URB1: variants seen among roughly 807,000 people sequenced by gnomAD.
The protein encoded by URB1 is nucleolar pre-ribosomal-associated protein 1.
URB1 carries 197 observed loss-of-function variants against 242.3 expected under a neutral mutation model. The observed-to-expected ratio is 0.81, with a 90% CI of 0.72 to 0.91. The LOEUF is 0.91. Ranked by LOEUF, URB1 falls within the 40% of genes least tolerant of loss-of-function variation. The pLI is 0.00. For missense variants in URB1, 2,721 were observed against 2,860.5 expected (o/e 0.95, Z 1.11); for synonymous variants, 1,153 against 1,201.8 (o/e 0.96, Z 0.84).
intron 24 of URB1, among the ~76,000 whole-genome samples, chr21:32,342,674 C>CTG (rs58726690): frequency 1 from 147,626 of 147,628 alleles, 73,812 homozygotes; most frequent in Middle Eastern, 1. Context: ...ACTTGTGAAC[C>CTG]AGGAAAGCCG....
At position 32,347,733 on chromosome 21, in the gene URB1, G is replaced by A; in HGVS notation, c.3091C>T (p.Leu1031Phe). ...GWFLALEQQA[L>F]PPHTLSPVLV... ...ACAGGGCTGAGCGTGTGCGGCGGGA[G>A]GGCCTGCTGCTCCAGGGCCAGGAAC... The change falls in exon 22 of 39, where the codon CTC becomes TTC. Residue 1031 changes from leucine (L) to phenylalanine (F), a missense_variant. Physicochemically the swap from Leu to Phe is conservative, Grantham distance 22. Transcript: ENST00000382751. The A allele has an allele frequency of 1.3e-6, 2 of 1,550,230 alleles. No individual in the cohort carries two copies. The highest frequency in any genetic ancestry group is 1.2e-5 in the South Asian group (1 of 84,060).
At chr21:32,360,180 A>G (rs1205344140) in intron 13 of URB1, among the ~76,000 whole-genome samples, 17 of 151,996 alleles carry the variant, frequency 1.1e-4, no homozygotes, top group Admixed American at 1.1e-3. Flanking sequence ...CTGACCCCAA[A>G]CAGCTGGAAT....
intron 1 of URB1, among the ~76,000 whole-genome samples, chr21:32,392,025 T>TA (rs1198638702): frequency 2.3e-4 from 34 of 148,328 alleles, no homozygotes; most frequent in East Asian, 3.9e-4. Flanking sequence ...CCCTGTCGTT[T>TA]AAAAAAAAAA....
chr21:32,330,322 T>C (rs1306814228), intron 30 of URB1, among the ~76,000 whole-genome samples: 1 of 151,534 alleles, frequency 6.6e-6, no homozygotes, highest in Non-Finnish European at 1.5e-5. Context: ...CCTTTTCAAA[T>C]TGGGATAGGC....
intron 2 of URB1, among the ~76,000 whole-genome samples, chr21:32,385,012 AAAG>A (rs143568748): frequency 0.17 from 17,983 of 105,758 alleles, 1,333 homozygotes; most frequent in African/African-American, 0.34. Flanking sequence ...AAAAGAAAAG[AAAG>A]AAAGAAAGAA....
At chr21:32,329,549 T>A (rs1371506461) in intron 30 of URB1, among the ~76,000 whole-genome samples, 1 of 152,192 alleles carries the variant, frequency 6.6e-6, no homozygotes, top group East Asian at 1.9e-4. Context: ...GACAAGAGTT[T>A]GCTGTGGAAA....
At chr21:32,381,472 AT>A (rs2033526006) in intron 4 of URB1, among the ~76,000 whole-genome samples, 1 of 151,602 alleles carries the variant, frequency 6.6e-6, no homozygotes, top group Admixed American at 6.6e-5. Context: ...ACTAAATAGC[AT>A]TTAAAAAAAA....
chr21:32,325,703 C>A (rs1008615875), intron 30 of URB1, among the ~76,000 whole-genome samples: 2 of 152,184 alleles, frequency 1.3e-5, no homozygotes, highest in African/African-American at 4.8e-5. Flanking sequence ...ACTGCGGAGA[C>A]CCCAGCATGC....
intron 8 of URB1, among the ~76,000 whole-genome samples, chr21:32,371,253 C>T (rs1301730039): frequency 2.0e-5 from 3 of 152,202 alleles, no homozygotes; most frequent in Non-Finnish European, 2.9e-5. Context: ...TTCCCTTATG[C>T]ACAAACACTT....
chr21:32,314,963 G>A lies in URB1; in HGVS notation c.6771C>T (p.Ile2257=), dbSNP rs1057491104. Residue 2257 remains isoleucine, a synonymous_variant, in exon 39 of 39, where the codon ATC becomes ATT. Transcript: ENST00000382751. ...DDAPSSEEEA[I]VVLCKDAASA... ...TGGCGGCGTCCTTGCAGAGCACCAC[G>A]ATGGCCTCCTCTTCACTGCTCGGGG... The A allele has an allele frequency of 1.4e-5, 21 of 1,551,552 alleles. No individual in the cohort carries two copies. Among genetic ancestry groups the A allele is most frequent in the African/African-American group, 2.7e-5 (2 of 73,068 alleles).
In URB1 at chr21:32,333,330, C is replaced by A; in HGVS notation, c.4947G>T (p.Glu1649Asp). Residue 1649 changes from glutamate (E) to aspartate (D), a missense_variant, in exon 30 of 39, where the codon GAG (glutamate) becomes GAT (aspartate). Transcript: ENST00000382751. ...DPCFLLQLFS[E>D]LTRPEFVVDC... is the part of the protein sequence containing the mutation. ...GACTGCAGTTACCTGGCCTGGTCAG[C>A]TCACTGAAGAGCTGAAGGAGAAAGC... The A allele has an allele frequency of 6.4e-7, 1 of 1,551,890 alleles. No individual in the cohort carries two copies. Among genetic ancestry groups the A allele is most frequent in the Non-Finnish European group, 8.7e-7 (1 of 1,147,026 alleles).
chr21:32,353,262 C>T (rs2033179545), intron 18 of URB1, among the ~76,000 whole-genome samples: 1 of 152,192 alleles, frequency 6.6e-6, no homozygotes, highest in South Asian at 2.1e-4. Context: ...GACCACATGC[C>T]TGGTTAGTCA....
chr21:32,340,597 G>A (rs188253249), intron 25 of URB1, among the ~76,000 whole-genome samples: 4 of 152,270 alleles, frequency 2.6e-5, no homozygotes, highest in East Asian at 3.9e-4. Flanking sequence ...TGGGCAACAT[G>A]AGCAAAACTC....
At chr21:32,376,766 T>C (rs2033463532) in intron 5 of URB1, among the ~76,000 whole-genome samples, 1 of 152,204 alleles carries the variant, frequency 6.6e-6, no homozygotes. Context: ...GCTTCCCAAG[T>C]AGCTGAGACA....
chr21:32,362,210 A>AT (rs112343819), intron 11 of URB1, among the ~76,000 whole-genome samples, 189 bp from the exon 12 acceptor site: 4,972 of 146,174 alleles, frequency 0.034, 254 homozygotes, highest in African/African-American at 0.11. Context: ...CTGCAGTATA[A>AT]TTTTTTTTTT....
At chr21:32,368,744 G>A in intron 8 of URB1, 146 bp from the exon 9 acceptor site, 2 of 687,430 alleles carry the variant, frequency 2.9e-6, no homozygotes, top group South Asian at 4.3e-5. Flanking sequence ...CGTAAAGTGG[G>A]GGTTCCGTGG....
rs1490426755 is a variant in URB1 at position 32,386,368 on chromosome 21, T to C, written c.143-684A>G. Among the ~76,000 whole-genome samples the C allele has an allele frequency of 7.9e-5, 12 of 152,298 alleles. No individual in the cohort carries two copies. In the South Asian group the frequency reaches 8.3e-4, roughly 11 times the overall value. ...ATGTGAGGACACAGCAAGAGGGCAG[T>C]TGTCTGCAAGCCAGGACGTGCCCTT... On this transcript the variant is annotated intron_variant, in intron 1 of 38. Transcript: ENST00000382751.
intron 36 of URB1, 113 bp from the exon 37 acceptor site, chr21:32,318,030 G>A (rs780589958): frequency 1.2e-5 from 17 of 1,390,710 alleles, no homozygotes; most frequent in Non-Finnish European, 1.9e-6. Context: ...AGTCCCTCCA[G>A]GAACCAGGTT....
intron 29 of URB1, among the ~76,000 whole-genome samples, chr21:32,333,866 C>CT (rs1170354478): frequency 6.6e-6 from 1 of 152,154 alleles, no homozygotes; most frequent in East Asian, 1.9e-4. Context: ...AAGCAAAGTG[C>CT]TTGTGTAAAA....
Sources: allele counts gnomAD v4.1 joint callset (sites outside exome capture counted in the v4.1 genomes callset), GRCh38; gene constraint gnomAD v4.1.1; transcripts MANE v1.5; gene names NCBI Gene and HGNC (gene_info 2026-07-23, HGNC 2026-07-21).